Variants in NCOA1 observed in about 807,000 individuals in gnomAD.
NCOA1 encodes nuclear receptor coactivator 1.
In NCOA1, 35 loss-of-function variants were observed where a neutral mutation model predicts 150.9. That is an observed-to-expected ratio of 0.23 (90% CI 0.18 to 0.31). NCOA1 has a LOEUF of 0.31. Ranked by LOEUF, NCOA1 falls within the 10% of genes least tolerant of loss-of-function variation. The probability of loss-of-function intolerance (pLI) is 1.00; values close to 1 mark genes in which losing one functional copy is unlikely to be tolerated. For synonymous variants in NCOA1, 590 were observed against 630.0 expected (o/e 0.94, Z 0.95); for missense variants, 1,491 against 1,749.3 (o/e 0.85, Z 2.63).
At chr2:24,694,561 T>G (rs1672812950) in intron 10 of NCOA1, among the ~76,000 whole-genome samples, 1 of 152,154 alleles carries the variant, frequency 6.6e-6, no homozygotes, top group African/African-American at 2.4e-5. Context: ...AGAGATAAAC[T>G]TCCAACTGCT....
chr2:24,707,339 C>T lies in NCOA1; in HGVS notation c.1869C>T (p.Asp623=), dbSNP rs1390383668. Residue 623 remains aspartate, a synonymous_variant, in exon 13 of 23, where the codon GAC becomes GAT. Transcript: ENST00000348332. The part of the protein sequence containing the change: ...LHNNDRLSDG[D]SKYSQTSHKL... ...ACAATGACAGACTTTCAGATGGAGA[C>T]AGTAAATACTCTCAAACCAGTCACA... The T allele has an allele frequency of 5.6e-6, 9 of 1,614,208 alleles. No individual in the cohort carries two copies. The highest frequency in any genetic ancestry group is 1.1e-5 in the South Asian group (1 of 91,084).
intron 1 of NCOA1, among the ~76,000 whole-genome samples, chr2:24,523,605 CAAAAAAAAAAA>C (rs979559677): frequency 4.5e-4 from 8 of 17,704 alleles, no homozygotes; most frequent in East Asian, 1.9e-3. Context: ...GACTCCGTCT[CAAAAAAAAAAA>C]AAAAAAAAAA....
At position 24,673,353 on chromosome 2, in the gene NCOA1, T is replaced by C; in HGVS notation, c.257-13T>C. The C allele has an allele frequency of 6.6e-7, 1 of 1,512,350 alleles. No individual in the cohort carries two copies. Among genetic ancestry groups the C allele is most frequent in the Non-Finnish European group, 8.9e-7 (1 of 1,128,016 alleles). The allele number at this position is 1,512,350 out of a possible 1,614,324, so 93.7% of individuals were successfully genotyped here. On this transcript the variant is annotated splice_polypyrimidine_tract_variant and intron_variant, in intron 6 of 22. Transcript: ENST00000348332. ...TTTCAGATATGTGATTTTTTTAAGT[T>C]TCTTTATTATAGAGAAATCAACAAC...
At chr2:24,686,407 A>C (rs1396925259) in intron 8 of NCOA1, among the ~76,000 whole-genome samples, 1 of 152,140 alleles carries the variant, frequency 6.6e-6, no homozygotes, top group Non-Finnish European at 1.5e-5. Context: ...TAGGTTTTTT[A>C]AACATTATCA....
intron 3 of NCOA1, among the ~76,000 whole-genome samples, chr2:24,599,498 G>A (rs1668018471): frequency 6.6e-6 from 1 of 152,126 alleles, no homozygotes; most frequent in Non-Finnish European, 1.5e-5. Context: ...GTATTTACAT[G>A]TATTTTCTGC....
chr2:24,552,295 TG>T (rs1665859282), intron 1 of NCOA1, among the ~76,000 whole-genome samples: 1 of 140,186 alleles, frequency 7.1e-6, no homozygotes, highest in South Asian at 2.2e-4. Flanking sequence ...TTGAGGTCTT[TG>T]ATTTCTCACT....
In NCOA1 at chr2:24,592,143, A is replaced by C. The variant is rs543952576; in HGVS notation, c.-175+7583A>C. On this transcript the variant is annotated intron_variant, in intron 3 of 22. Coordinates refer to ENST00000348332, the MANE Select transcript of NCOA1 (RefSeq NM_003743.5). ...GAAAACGTCGCTAAGGGGTTTGAAA[A>C]GACGAGCATTTGATGAAAACTTTTT... Among the ~76,000 whole-genome samples, 4 of 152,328 alleles carry C rather than the reference A, an allele frequency of 2.6e-5. No individual in the cohort carries two copies. The South Asian group carries it at 8.3e-4, about 32-fold the overall frequency.
At chr2:24,621,557 C>G (rs1243982722) in intron 3 of NCOA1, among the ~76,000 whole-genome samples, 1 of 149,492 alleles carries the variant, frequency 6.7e-6, no homozygotes, top group Non-Finnish European at 1.5e-5. Context: ...ACCTCCACCT[C>G]CTGGGTTCCC....
At chr2:24,668,790 C>A (rs1448837528) in intron 6 of NCOA1, among the ~76,000 whole-genome samples, 2 of 127,276 alleles carry the variant, frequency 1.6e-5, no homozygotes, top group Non-Finnish European at 3.5e-5. Context: ...CTCTAGGGAA[C>A]ATTTCCATAG....
chr2:24,675,581 C>T (rs1265805930), intron 7 of NCOA1, among the ~76,000 whole-genome samples: 2 of 152,076 alleles, frequency 1.3e-5, no homozygotes, highest in South Asian at 2.1e-4. Flanking sequence ...AAAAGATGAT[C>T]GTAGTTAAAA....
chr2:24,685,538 C>T (rs960015431), intron 8 of NCOA1, among the ~76,000 whole-genome samples: 1 of 152,004 alleles, frequency 6.6e-6, no homozygotes, highest in Non-Finnish European at 1.5e-5. Flanking sequence ...AAATTCATAC[C>T]ATTTATATCT....
At chr2:24,625,314 C>T (rs571152761) in intron 3 of NCOA1, among the ~76,000 whole-genome samples, 4 of 145,412 alleles carry the variant, frequency 2.8e-5, no homozygotes, top group South Asian at 2.2e-4. Context: ...AGCAGTGAGC[C>T]GAGATTGCAC....
chr2:24,674,290 C>T (rs1398314243), intron 7 of NCOA1, among the ~76,000 whole-genome samples: 1 of 151,308 alleles, frequency 6.6e-6, no homozygotes, highest in Non-Finnish European at 1.5e-5. Flanking sequence ...ACTGCAAGCT[C>T]CGCCTCCCCG....
chr2:24,580,946 C>T (rs886216801), intron 2 of NCOA1, among the ~76,000 whole-genome samples: 11 of 152,180 alleles, frequency 7.2e-5, no homozygotes, highest in African/African-American at 2.4e-4. Context: ...GCCCTGCCCC[C>T]GCATGAGAAG....
chr2:24,753,203 ACT>A (rs1426310874), intron 20 of NCOA1, among the ~76,000 whole-genome samples: 1 of 151,744 alleles, frequency 6.6e-6, no homozygotes, highest in Non-Finnish European at 1.5e-5. Context: ...TCCTAAACTC[ACT>A]CTGGATTTTG....
At chr2:24,727,138 C>CAAA (rs755486331) in intron 15 of NCOA1, among the ~76,000 whole-genome samples, 9 of 43,220 alleles carry the variant, frequency 2.1e-4, no homozygotes, top group South Asian at 7.2e-4. Flanking sequence ...AACTCTGTCT[C>CAAA]AAAAAAAAAA....
At chr2:24,492,502 G>T (rs1459197082) in intron 1 of NCOA1, among the ~76,000 whole-genome samples, 1 of 152,166 alleles carries the variant, frequency 6.6e-6, no homozygotes, top group African/African-American at 2.4e-5. Flanking sequence ...GGAGACGGAG[G>T]GGTTGACAAT....
At chr2:24,589,066 T>C (rs1667536185) in intron 3 of NCOA1, among the ~76,000 whole-genome samples, 1 of 152,186 alleles carries the variant, frequency 6.6e-6, no homozygotes, top group Admixed American at 6.5e-5. Flanking sequence ...TCAAATATTA[T>C]CTCTTTCCTC....
intron 8 of NCOA1, among the ~76,000 whole-genome samples, chr2:24,684,484 C>T (rs1044374754): frequency 1.3e-5 from 2 of 152,140 alleles, no homozygotes; most frequent in Non-Finnish European, 2.9e-5. Flanking sequence ...CAAATCACTG[C>T]CAGTAGATAA....
Sources: allele counts gnomAD v4.1 joint callset (sites outside exome capture counted in the v4.1 genomes callset), GRCh38; gene constraint gnomAD v4.1.1; transcripts MANE v1.5; gene names NCBI Gene and HGNC (gene_info 2026-07-23, HGNC 2026-07-21).